RPS6KA2: variants seen among roughly 807,000 people sequenced by gnomAD.
RPS6KA2 encodes ribosomal protein S6 kinase alpha-2.
Under a neutral mutation model 91.8 loss-of-function variants are expected in RPS6KA2, and 42 were observed. The observed-to-expected ratio is 0.46, with a 90% CI of 0.36 to 0.59. RPS6KA2 has a LOEUF of 0.59. Among genes scored for constraint, RPS6KA2 ranks in the 20% least tolerant of loss-of-function variants. The pLI is 0.00. For synonymous variants in RPS6KA2, 414 were observed against 393.6 expected, an observed-to-expected ratio of 1.05 and a Z score of -0.61; for missense variants, 798 against 978.5, an observed-to-expected ratio of 0.82 and a Z score of 2.46.
chr6:166,703,742 G>T (rs1457854597), intron 2 of RPS6KA2, among the ~76,000 whole-genome samples: 1 of 152,214 alleles, frequency 6.6e-6, no homozygotes, highest in Non-Finnish European at 1.5e-5. Flanking sequence ...AGAATGCAAG[G>T]CTGCACTGAC....
chr6:166,451,358 T>TGTGTGTGC lies in RPS6KA2; in HGVS notation c.1076-126_1076-125insGCACACAC, dbSNP rs139763805. ...GTGTGTGTGTGTGTGTGTGTGTGTG[T>TGTGTGTGC]GCACGTGGCGTATGCCTGTGGTGGA... On this transcript the variant is annotated intron_variant, in intron 12 of 20. Coordinates refer to ENST00000265678, the MANE Select transcript of RPS6KA2 (RefSeq NM_021135.6). 3.1e-5 allele frequency: 31 copies of TGTGTGTGC among 1,012,558 alleles called. No individual in the cohort carries two copies. The African/African-American group carries it at 4.4e-4, about 14-fold the overall frequency. 62.7% of individuals were successfully genotyped at this position (1,012,558 alleles called of 1,614,324 possible). A position where few individuals can be genotyped will look rare whatever the true frequency, so the allele number is the denominator to read the frequency against.
chr6:166,705,801 C>T (rs541922579), intron 2 of RPS6KA2, among the ~76,000 whole-genome samples: 1 of 152,260 alleles, frequency 6.6e-6, no homozygotes, highest in East Asian at 1.9e-4. Context: ...AGCAATTATC[C>T]TCACCTATTG....
chr6:166,641,749 A>AAAAAAAAAAAAAAAAAAAAAAC (rs1787444306), intron 2 of RPS6KA2, among the ~76,000 whole-genome samples: 1 of 136,202 alleles, frequency 7.3e-6, no homozygotes, highest in Admixed American at 7.4e-5. Context: ...AAAAAAAAAA[A>AAAAAAAAAAAAAAAAAAAAAAC]AAAAAAAAAA....
chr6:166,546,898 CAGCTGTTGGGA>C (rs1242664684), intron 1 of RPS6KA2, among the ~76,000 whole-genome samples: 2 of 152,108 alleles, frequency 1.3e-5, no homozygotes, highest in Non-Finnish European at 2.9e-5. Flanking sequence ...CAAGAGTGCC[CAGCTGTTGGGA>C]ACGCTGAGCT....
At chr6:166,676,034 G>C (rs981160123) in intron 2 of RPS6KA2, among the ~76,000 whole-genome samples, 1 of 152,138 alleles carries the variant, frequency 6.6e-6, no homozygotes, top group African/African-American at 2.4e-5. Flanking sequence ...AGTCCTGGGA[G>C]GCCGGGTGCG....
At chr6:166,819,481 A>C (rs929612497) in intron 2 of RPS6KA2, among the ~76,000 whole-genome samples, 2 of 152,218 alleles carry the variant, frequency 1.3e-5, no homozygotes, top group Non-Finnish European at 2.9e-5. Context: ...GAATGCAGAA[A>C]GTCAGCCCTA....
chr6:166,682,744 TC>T (rs1366305164), intron 2 of RPS6KA2, among the ~76,000 whole-genome samples: 5 of 152,246 alleles, frequency 3.3e-5, no homozygotes, highest in African/African-American at 1.2e-4. Context: ...GGAACCTGTC[TC>T]CCCACACCCA....
chr6:166,526,989 C>G lies in RPS6KA2; in HGVS notation c.298+4243G>C, dbSNP rs115524907. 2.4e-3 allele frequency among the ~76,000 whole-genome samples: 368 copies of G among 152,354 alleles called. 2 individuals are homozygous for G. Among genetic ancestry groups the G allele is most frequent in the African/African-American group, 8.5e-3 (352 of 41,568 alleles). On this transcript the variant is annotated intron_variant, in intron 3 of 20. Coordinates refer to ENST00000265678, the MANE Select transcript of RPS6KA2 (RefSeq NM_021135.6). ...CAGCCTATTCCACATAACCATGGATCAGGAGCCGTTTCTCAAGGACACTGT... is the reference window on the plus strand; with the variant it reads ...CAGCCTATTCCACATAACCATGGATGAGGAGCCGTTTCTCAAGGACACTGT...
chr6:166,712,825 G>T (rs964698386), intron 2 of RPS6KA2, among the ~76,000 whole-genome samples: 1 of 152,194 alleles, frequency 6.6e-6, no homozygotes, highest in Non-Finnish European at 1.5e-5. Flanking sequence ...GACAGCACCC[G>T]AGGAGCTGCT....
chr6:166,656,710 G>A (rs984159503), intron 2 of RPS6KA2, among the ~76,000 whole-genome samples: 1 of 152,208 alleles, frequency 6.6e-6, no homozygotes, highest in African/African-American at 2.4e-5. Flanking sequence ...AGCACTGCGC[G>A]GTTCACCTGC....
At position 166,626,632 on chromosome 6, in the gene RPS6KA2, C is replaced by T. The variant is rs1786888622; in HGVS notation, c.99+289G>A. 6.6e-6 allele frequency among the ~76,000 whole-genome samples: 1 copy of T among 152,180 alleles called. No individual in the cohort carries two copies. The highest frequency in any genetic ancestry group is 6.5e-5 in the Admixed American group (1 of 15,292). ...CTCCTCACCCGGGGCTCCCTGTGGC[C>T]CACAGGGGACCATCCCACACCCCGT... On this transcript the variant is annotated intron_variant, in intron 1 of 20. Coordinates refer to ENST00000265678, the MANE Select transcript of RPS6KA2 (RefSeq NM_021135.6). This position sits in a 1 kb window ranked among gnomAD's most constrained non-coding sequence, Gnocchi z 4.1.
At chr6:166,614,736 G>A (rs561063495) in intron 1 of RPS6KA2, among the ~76,000 whole-genome samples, 6 of 152,270 alleles carry the variant, frequency 3.9e-5, no homozygotes, top group African/African-American at 1.2e-4. Flanking sequence ...GGCCACCTGC[G>A]TTCCTTGCTC....
At position 166,490,621 on chromosome 6, in the gene RPS6KA2, G is replaced by T; in HGVS notation, c.818+50C>A. ...TCCAGGTTCAGAGGCAGCAGCTCTT[G>T]ATATCAGAAGGTGCTCGCAGGTCTC... is the stretch of plus-strand genomic sequence containing the variant. On this transcript the variant is annotated intron_variant, in intron 9 of 20. Transcript: ENST00000265678. The surrounding 1 kb of genome is among the most constrained non-coding windows in gnomAD (Gnocchi z 4.2). 2 of 1,259,440 alleles carry T rather than the reference G, an allele frequency of 1.6e-6. No homozygotes were observed. Among genetic ancestry groups the T allele is most frequent in the Non-Finnish European group, 2.3e-6 (2 of 871,558 alleles). The allele number at this position is 1,259,440 out of a possible 1,614,324, so 78.0% of individuals were successfully genotyped here. A position where few individuals can be genotyped will look rare whatever the true frequency, so the allele number is the denominator to read the frequency against.
chr6:166,446,761 GGCT>G (rs1055003929), intron 14 of RPS6KA2, among the ~76,000 whole-genome samples: 2 of 152,196 alleles, frequency 1.3e-5, no homozygotes, highest in African/African-American at 2.4e-5. Flanking sequence ...AGGGCACCGC[GGCT>G]GCTGGGCTGA....
At chr6:166,722,395 G>C (rs1039895935) in intron 2 of RPS6KA2, among the ~76,000 whole-genome samples, 1 of 152,230 alleles carries the variant, frequency 6.6e-6, no homozygotes, top group Non-Finnish European at 1.5e-5. Flanking sequence ...GGAGCCGCAG[G>C]GGGTGGGAGG....
upstream of RPS6KA2, chr6:166,627,295 A>C: frequency 1.1e-6 from 1 of 902,716 alleles, no homozygotes; most frequent in Non-Finnish European, 1.3e-6. Flanking sequence ...GCCCACCACC[A>C]CTACCACCAA....
chr6:166,659,324 C>A (rs1788092074), intron 2 of RPS6KA2, among the ~76,000 whole-genome samples: 1 of 152,120 alleles, frequency 6.6e-6, no homozygotes, highest in Non-Finnish European at 1.5e-5. Flanking sequence ...CACTAACAGT[C>A]TCCCCCAGCT....
rs184912675 is a variant in RPS6KA2 at position 166,470,618 on chromosome 6, G to A, written c.908-713C>T. 3.4e-4 allele frequency among the ~76,000 whole-genome samples: 52 copies of A among 152,322 alleles called. 1 individual carries two copies. In the South Asian group the frequency reaches 3.9e-3, roughly 12 times the overall value. On this transcript the variant is annotated intron_variant, in intron 10 of 20. Transcript: ENST00000265678. ...CTTTCAGGCAGCATGATTCCCTAAC[G>A]GTGGATACATGTCCACTCATCTGCC...
At chr6:166,745,577 C>T (rs1274500030) in intron 2 of RPS6KA2, among the ~76,000 whole-genome samples, 3 of 152,224 alleles carry the variant, frequency 2.0e-5, no homozygotes, top group Non-Finnish European at 4.4e-5. Flanking sequence ...GGGTCCTGGG[C>T]TTAGAGTTCC....
Sources: gnomAD v4.1 joint callset for allele counts (sites outside exome capture counted in the v4.1 genomes callset) on GRCh38, gnomAD v4.1.1 for gene constraint, Gnocchi (gnomAD v3.1) non-coding constraint, MANE v1.5 for transcripts, NCBI Gene and HGNC (gene_info 2026-07-23, HGNC 2026-07-21) for gene names.